The following PTPDC1 variants were observed in gnomAD, a reference collection of about 807,000 sequenced individuals.
PTPDC1 encodes the protein protein tyrosine phosphatase domain-containing protein 1.
In PTPDC1, 53 loss-of-function variants were observed where a neutral mutation model predicts 75.3. That is an observed-to-expected ratio of 0.70 (90% confidence interval 0.56 to 0.88). The LOEUF (loss-of-function observed/expected upper bound fraction) is 0.88, where lower values mean the gene tolerates loss of function less well. Ranked by LOEUF, PTPDC1 falls within the 40% of genes least tolerant of loss-of-function variation. The probability of loss-of-function intolerance (pLI) is 0.00; values close to 1 mark genes in which losing one functional copy is unlikely to be tolerated. For missense variants in PTPDC1, 925 were observed against 998.6 expected, an observed-to-expected ratio of 0.93 and a Z score of 0.99; for synonymous variants, 349 against 366.2, an observed-to-expected ratio of 0.95 and a Z score of 0.54.
At chr9:94,067,399 AAAT>A (rs1020738016) in intron 2 of PTPDC1, among the ~76,000 whole-genome samples, 3 of 149,292 alleles carry the variant, frequency 2.0e-5, no homozygotes, top group East Asian at 2.0e-4. Context: ...CAAAAAAAAA[AAAT>A]AATAATAATA....
rs1027989752 is a variant in PTPDC1 at position 94,070,714 on chromosome 9, G to A, written c.82+5893G>A. ...TGTGGCAACCACTATCTGTTCCCCAGTTCTATAATTTTGTCATCGCAAAAA... is the reference window on the plus strand; with the variant it reads ...TGTGGCAACCACTATCTGTTCCCCAATTCTATAATTTTGTCATCGCAAAAA... On this transcript the variant is annotated intron_variant, in intron 2 of 9. Transcript: ENST00000375360. 2.0e-5 allele frequency among the ~76,000 whole-genome samples: 3 copies of A among 152,126 alleles called. No individual in the cohort carries two copies. The South Asian group carries it at 6.2e-4, about 32-fold the overall frequency.
In PTPDC1 at chr9:94,085,237, C is replaced by G. The variant is rs200573453; in HGVS notation, c.245-14C>G. On this transcript the variant is annotated splice_polypyrimidine_tract_variant and intron_variant, in intron 1 of 8. Transcript: ENST00000620992. ...GAGTGGAATTTTGAATTTTCCTTTCCTTATATGTTCTAGGAAATTTAGAAC... is the reference window on the plus strand; with the variant it reads ...GAGTGGAATTTTGAATTTTCCTTTCGTTATATGTTCTAGGAAATTTAGAAC... The G allele has an allele frequency of 6.2e-7, 1 of 1,605,538 alleles. No homozygotes were observed.
At position 94,060,595 on chromosome 9, in the gene PTPDC1, A is replaced by G. The variant is rs546133325; in HGVS notation, c.-6-4139A>G. Among the ~76,000 whole-genome samples, 11 of 152,334 alleles carry G rather than the reference A, an allele frequency of 7.2e-5. 1 individual carries two copies. The South Asian group carries it at 2.3e-3, about 32-fold the overall frequency. On this transcript the variant is annotated intron_variant, in intron 1 of 9. Coordinates refer to the PTPDC1 transcript ENST00000375360. ...ACAGTTCTGCAGGTGTACAGGAAGCATGGCAGCATCGGCTTCTGGGGAAGC... is the reference window on the plus strand; with the variant it reads ...ACAGTTCTGCAGGTGTACAGGAAGCGTGGCAGCATCGGCTTCTGGGGAAGC...
intron 2 of PTPDC1, among the ~76,000 whole-genome samples, chr9:94,075,130 G>A (rs564345313): frequency 7.9e-6 from 1 of 127,364 alleles, no homozygotes; most frequent in Non-Finnish European, 1.5e-5. Flanking sequence ...TCTATCTGAT[G>A]GGGGGAATCA....
In PTPDC1 at chr9:94,084,692, G is replaced by A. The variant is rs746375931; in HGVS notation, c.162G>A (p.Ser54=). 2.0e-5 allele frequency: 32 copies of A among 1,613,578 alleles called. No homozygotes were observed. Among genetic ancestry groups the A allele is most frequent in the Admixed American group, 8.3e-5 (5 of 59,940 alleles). The change falls in exon 1 of 9, where the codon TCG becomes TCA. Residue 54 remains serine (S), a synonymous_variant. Coordinates refer to ENST00000620992, the MANE Select transcript of PTPDC1 (RefSeq NM_001253829.2). The part of the protein sequence containing the change: ...GSGSATKLLS[S]SSLQVMVAVS... ...GCTCTGCCACGAAGCTGCTGTCCTC[G>A]TCCTCTCTCCAGGTGATGGTGGCTG...
intron 2 of PTPDC1, among the ~76,000 whole-genome samples, chr9:94,074,850 C>T (rs368036689): frequency 3.9e-5 from 6 of 152,194 alleles, no homozygotes; most frequent in African/African-American, 1.4e-4. Context: ...TGTCTCCCCA[C>T]TGGGCCTCAC....
intron 1 of PTPDC1, among the ~76,000 whole-genome samples, chr9:94,039,243 G>C (rs1825359386): frequency 6.6e-6 from 1 of 152,036 alleles, no homozygotes; most frequent in South Asian, 2.1e-4. Flanking sequence ...AATTATCTCT[G>C]TTTGGAAATA....
At chr9:94,042,912 A>G (rs1490705613) in intron 1 of PTPDC1, among the ~76,000 whole-genome samples, 1 of 152,222 alleles carries the variant, frequency 6.6e-6, no homozygotes, top group Non-Finnish European at 1.5e-5. Flanking sequence ...CACTAGATGT[A>G]GATTCCCTAT....
At chr9:94,096,608 GT>G in intron 5 of PTPDC1, among the ~76,000 whole-genome samples, 1 of 152,074 alleles carries the variant, frequency 6.6e-6, no homozygotes, top group East Asian at 1.9e-4. Flanking sequence ...TTAATTAGAT[GT>G]TAGTAAGAAT....
chr9:94,072,609 T>C (rs897401775), intron 2 of PTPDC1, among the ~76,000 whole-genome samples: 2 of 152,162 alleles, frequency 1.3e-5, no homozygotes, highest in African/African-American at 2.4e-5. Flanking sequence ...GCCTTCTTCC[T>C]GACCATAGGG....
chr9:94,091,976 TTTTC>T (rs1483101535), intron 4 of PTPDC1, among the ~76,000 whole-genome samples: 1 of 150,160 alleles, frequency 6.7e-6, no homozygotes, highest in East Asian at 1.9e-4. Context: ...TTCTCTCTTT[TTTTC>T]TTTATTAGTC....
intron 4 of PTPDC1, among the ~76,000 whole-genome samples, chr9:94,094,522 GT>G (rs1827464230): frequency 6.6e-6 from 1 of 152,160 alleles, no homozygotes; most frequent in Non-Finnish European, 1.5e-5. Context: ...AGTTACTGCT[GT>G]CTTTTTGTTT....
In PTPDC1 at chr9:94,085,346, G is replaced by T. The variant is rs775910138; in HGVS notation, c.340G>T (p.Gly114Cys). 1.2e-6 allele frequency: 2 copies of T among 1,614,092 alleles called. No individual in the cohort carries two copies. The highest frequency in any genetic ancestry group is 1.3e-5 in the African/African-American group (1 of 74,938). Residue 114 changes from glycine (G) to cysteine (C), a missense_variant, in exon 2 of 9, where the codon GGT becomes TGT. By Grantham distance (159) the Gly-to-Cys change is radical. Transcript: ENST00000620992. ...GHMACSMACGGRACKYENPAR... is the reference protein window; with the variant it reads ...GHMACSMACGCRACKYENPAR... Reference sequence around the variant, plus strand: ...CATGGCATGTTCCATGGCGTGTGGCGGTAGAGCTTGCAAGTATGAGAACCC... The same window carrying T: ...CATGGCATGTTCCATGGCGTGTGGCTGTAGAGCTTGCAAGTATGAGAACCC...
intron 1 of PTPDC1, among the ~76,000 whole-genome samples, chr9:94,035,508 A>T (rs963013734): frequency 5.3e-5 from 8 of 152,180 alleles, no homozygotes. Flanking sequence ...AAATGTCAGA[A>T]TGTATTTCTT....
intron 7 of PTPDC1, among the ~76,000 whole-genome samples, chr9:94,103,684 G>A (rs1564039558): frequency 6.6e-6 from 1 of 152,158 alleles, no homozygotes; most frequent in Non-Finnish European, 1.5e-5. Context: ...TGAAGGTGAT[G>A]GAATTTCTTC....
intron 8 of PTPDC1, among the ~76,000 whole-genome samples, chr9:94,105,172 G>A (rs933225321): frequency 6.6e-6 from 1 of 152,074 alleles, no homozygotes; most frequent in African/African-American, 2.4e-5. Flanking sequence ...ACTCTTTCCG[G>A]AGTGATGTTC....
chr9:94,072,737 TG>T (rs1202609445), intron 2 of PTPDC1, among the ~76,000 whole-genome samples: 7 of 152,208 alleles, frequency 4.6e-5, no homozygotes, highest in African/African-American at 1.7e-4. Flanking sequence ...GAGTCAGTGT[TG>T]AATTTTTTTA....
chr9:94,097,858 A>T lies in PTPDC1; in HGVS notation c.1292A>T (p.Asn431Ile). The part of the protein sequence containing the change: ...QQFDPLWKRR[N>I]VECLQPLTHL... ...TTTGACCCTCTTTGGAAAAGGCGGAATGTTGAGTGCCTTCAACCCCTGACT... is the reference window on the plus strand; with the variant it reads ...TTTGACCCTCTTTGGAAAAGGCGGATTGTTGAGTGCCTTCAACCCCTGACT... Residue 431 changes from asparagine (N) to isoleucine (I), a missense_variant, in exon 6 of 9, where the codon AAT (asparagine) becomes ATT (isoleucine). Coordinates refer to ENST00000620992, the MANE Select transcript of PTPDC1 (RefSeq NM_001253829.2). The T allele has an allele frequency of 1.2e-6, 2 of 1,614,212 alleles. No homozygotes were observed. The highest frequency in any genetic ancestry group is 1.7e-6 in the Non-Finnish European group (2 of 1,180,040).
chr9:94,069,359 GT>G (rs1826430942), intron 2 of PTPDC1, among the ~76,000 whole-genome samples: 1 of 151,972 alleles, frequency 6.6e-6, no homozygotes, highest in African/African-American at 2.4e-5. Flanking sequence ...ATACTAAAGG[GT>G]TTTGCATCTT....
Sources: gnomAD v4.1 joint callset for allele counts (sites outside exome capture counted in the v4.1 genomes callset) on GRCh38, gnomAD v4.1.1 for gene constraint, MANE v1.5 for transcripts, NCBI Gene and HGNC (gene_info 2026-07-23, HGNC 2026-07-21) for gene names.